Variants in CCSER1 observed in about 807,000 individuals in gnomAD.
CCSER1 encodes the protein serine-rich coiled-coil domain-containing protein 1.
In CCSER1, 41 loss-of-function variants were observed where a neutral mutation model predicts 82.0. The ratio of observed to expected loss-of-function variants is 0.50; its 90% CI spans 0.39 to 0.65. CCSER1 has a LOEUF of 0.65. Ranked by LOEUF, CCSER1 falls within the 30% of genes least tolerant of loss-of-function variation. The pLI is 0.00. For synonymous variants in CCSER1, 414 were observed against 383.9 expected, an observed-to-expected ratio of 1.08 and a Z score of -0.92; for missense variants, 1,119 against 1,064.2, an observed-to-expected ratio of 1.05 and a Z score of -0.72.
At chr4:90,183,292 A>C (rs1332709887) in intron 1 of CCSER1, among the ~76,000 whole-genome samples, 1 of 151,776 alleles carries the variant, frequency 6.6e-6, no homozygotes, top group Non-Finnish European at 1.5e-5. Flanking sequence ...CACACACACA[A>C]CCCTGTATCC....
intron 10 of CCSER1, among the ~76,000 whole-genome samples, chr4:91,378,507 A>T (rs1398391914): frequency 6.6e-6 from 1 of 152,120 alleles, no homozygotes; most frequent in Non-Finnish European, 1.5e-5. Flanking sequence ...ATTCTCTTTG[A>T]AGCAATTGTA....
chr4:90,469,706 AT>A (rs1764111559), intron 5 of CCSER1, among the ~76,000 whole-genome samples: 1 of 152,112 alleles, frequency 6.6e-6, no homozygotes, highest in Admixed American at 6.6e-5. Flanking sequence ...AGCTATCAAC[AT>A]TATGGGTGAC....
rs372062537 is a variant in CCSER1 at position 90,295,699 on chromosome 4, A to C, written c.-41-12545A>C. On this transcript the variant is annotated intron_variant, in intron 1 of 10. Transcript: ENST00000509176. ...ATATATTCCAGATATTAATTATCTG[A>C]CTGGCATAGGATACCAAAGACCAGC... Among the ~76,000 whole-genome samples the C allele has an allele frequency of 3.3e-5, 5 of 151,924 alleles. No individual in the cohort carries two copies. The East Asian group carries it at 7.7e-4, about 24-fold the overall frequency.
intron 3 of CCSER1, among the ~76,000 whole-genome samples, chr4:90,341,165 A>C (rs1352000131): frequency 6.6e-6 from 1 of 152,128 alleles, no homozygotes; most frequent in African/African-American, 2.4e-5. Context: ...TTAGAAGATC[A>C]GCTGGAATGT....
chr4:91,459,699 A>G (rs1291735074), intron 10 of CCSER1, among the ~76,000 whole-genome samples: 2 of 152,136 alleles, frequency 1.3e-5, no homozygotes, highest in Non-Finnish European at 2.9e-5. Context: ...TACAATTTCT[A>G]ATTTCACTAT....
At chr4:91,540,957 A>G (rs941990477) in intron 10 of CCSER1, among the ~76,000 whole-genome samples, 9 of 152,128 alleles carry the variant, frequency 5.9e-5, no homozygotes, top group Non-Finnish European at 1.2e-4. Flanking sequence ...CTTCCTAGTA[A>G]GTCTTGAAGT....
At chr4:91,140,252 A>G (rs895392325) in intron 10 of CCSER1, among the ~76,000 whole-genome samples, 7 of 151,906 alleles carry the variant, frequency 4.6e-5, no homozygotes, top group African/African-American at 1.7e-4. Context: ...ATAATAGAAA[A>G]GCAGAAAATA....
At chr4:90,271,969 C>CCACA (rs1259065205) in intron 1 of CCSER1, among the ~76,000 whole-genome samples, 16 of 145,694 alleles carry the variant, frequency 1.1e-4, no homozygotes, top group Non-Finnish European at 1.0e-4. Context: ...AGAACGGAAG[C>CCACA]AGGCACCTTT....
chr4:91,239,045 C>G (rs1022199812), intron 10 of CCSER1, among the ~76,000 whole-genome samples: 2 of 151,852 alleles, frequency 1.3e-5, no homozygotes, highest in Non-Finnish European at 2.9e-5. Context: ...AGGATGGTCT[C>G]GATCTTCTGA....
chr4:91,381,893 G>A (rs1750926267), intron 10 of CCSER1, among the ~76,000 whole-genome samples: 1 of 152,138 alleles, frequency 6.6e-6, no homozygotes. Context: ...TTTGGTCTTT[G>A]ATGATGGTGA....
intron 5 of CCSER1, among the ~76,000 whole-genome samples, chr4:90,483,821 C>T (rs1432799684): frequency 6.6e-6 from 1 of 152,162 alleles, no homozygotes; most frequent in African/African-American, 2.4e-5. Flanking sequence ...TCCTTCATTT[C>T]AACATTGGTG....
chr4:91,351,029 C>T (rs575655009), intron 10 of CCSER1, among the ~76,000 whole-genome samples: 25 of 151,998 alleles, frequency 1.6e-4, no homozygotes, highest in Middle Eastern at 3.4e-3. Context: ...TATTTGTACT[C>T]TACCTTGTTT....
intron 4 of CCSER1, among the ~76,000 whole-genome samples, chr4:90,446,359 T>G (rs1760653124): frequency 6.6e-6 from 1 of 152,188 alleles, no homozygotes; most frequent in African/African-American, 2.4e-5. Flanking sequence ...TGTTCATCAT[T>G]TTGCAAAGTG....
intron 3 of CCSER1, among the ~76,000 whole-genome samples, chr4:90,360,404 C>T (rs1380449590): frequency 1.3e-5 from 2 of 150,022 alleles, no homozygotes; most frequent in East Asian, 2.0e-4. Context: ...GTGGTGGGTG[C>T]CTGTAGTCCC....
At chr4:90,200,107 T>TGCTGTTAGCCTAATTAG (rs1000257803) in intron 1 of CCSER1, among the ~76,000 whole-genome samples, 1 of 145,920 alleles carries the variant, frequency 6.9e-6, no homozygotes, top group Non-Finnish European at 1.5e-5. Flanking sequence ...TTTTTCTGAC[T>TGCTGTTAGCCTAATTAG]GCTGTTAGCC....
At chr4:90,941,424 C>T (rs1363170433) in intron 9 of CCSER1, among the ~76,000 whole-genome samples, 1 of 152,042 alleles carries the variant, frequency 6.6e-6, no homozygotes, top group East Asian at 1.9e-4. Context: ...TTGTGACACA[C>T]ATAAAAACTT....
rs146818976 is a variant in CCSER1, at chr4:90,358,187, A to G, written c.1510-41849A>G. Among the ~76,000 whole-genome samples, 17 of 152,230 alleles carry G rather than the reference A, an allele frequency of 1.1e-4. No homozygotes were observed. The East Asian group carries it at 3.1e-3, about 28-fold the overall frequency. On this transcript the variant is annotated intron_variant, in intron 3 of 10. Transcript: ENST00000509176. ...TAATACATCAAATATTCACTTCAAT[A>G]TGGTGATTTTTTTGTTTATCTATTT...
chr4:91,164,229 C>A (rs1318784696), intron 10 of CCSER1, among the ~76,000 whole-genome samples: 2 of 152,164 alleles, frequency 1.3e-5, no homozygotes, highest in African/African-American at 4.8e-5. Flanking sequence ...GTTGAAAATT[C>A]TTTCCTTTAA....
intron 5 of CCSER1, among the ~76,000 whole-genome samples, chr4:90,596,247 T>A (rs1270919108): frequency 6.6e-6 from 1 of 151,940 alleles, no homozygotes; most frequent in African/African-American, 2.4e-5. Flanking sequence ...AATGAAAATA[T>A]TAAAATCAAG....
Sources: allele counts gnomAD v4.1 joint callset (sites outside exome capture counted in the v4.1 genomes callset), GRCh38; gene constraint gnomAD v4.1.1; transcripts MANE v1.5; gene names NCBI Gene and HGNC (gene_info 2026-07-23, HGNC 2026-07-21).